DLG5: variants seen among roughly 807,000 people sequenced by gnomAD.
DLG5 encodes the protein discs large MAGUK scaffold protein 5, also known as disks large homolog 5.
Under a neutral mutation model 189.8 loss-of-function variants are expected in DLG5, and 48 were observed. The observed-to-expected ratio is 0.25, with a 90% CI of 0.20 to 0.32. DLG5 has a LOEUF of 0.32. DLG5 is among the 10% of genes least tolerant of loss of function. DLG5 has a pLI of 1.00. For synonymous variants in DLG5, 1,016 were observed against 1,054.1 expected, an observed-to-expected ratio of 0.96 and a Z score of 0.70; for missense variants, 2,160 against 2,544.7, an observed-to-expected ratio of 0.85 and a Z score of 3.25.
intron 16 of DLG5, 62 bp from the exon 17 acceptor site, chr10:77,819,527 A>T: frequency 1.3e-6 from 2 of 1,555,274 alleles, no homozygotes; most frequent in Non-Finnish European, 1.7e-6. Context: ...GGACTTACAC[A>T]AGCCTTTCCC....
At position 77,806,789 on chromosome 10, in the gene DLG5, T is replaced by G. The variant is rs1223670287; in HGVS notation, c.4936A>C (p.Ile1646Leu). ...TTGCTGGGAATCTGCCCGCGCTGGATCTTCTGGGCATTCTCGTCCAGCTGC... is the reference window on the plus strand; with the variant it reads ...TTGCTGGGAATCTGCCCGCGCTGGAGCTTCTGGGCATTCTCGTCCAGCTGC... Reference protein sequence around the residue: ...AWQLDENAQKIQRGQIPSKYV... With the variant: ...AWQLDENAQKLQRGQIPSKYV... The change falls in exon 26 of 32, where the codon ATC (isoleucine) becomes CTC (leucine). Residue 1646 changes from isoleucine (I) to leucine (L), a missense_variant. Ile to Leu is a conservative substitution (Grantham distance 5). This residue lies in a region of DLG5 where 574 missense variants were observed against 644.2 expected (regional missense o/e 0.89). Transcript: ENST00000372391. The G allele has an allele frequency of 1.3e-6, 2 of 1,585,028 alleles. No homozygotes were observed. Among genetic ancestry groups the G allele is most frequent in the Admixed American group, 1.7e-5 (1 of 59,062 alleles).
intron 13 of DLG5, among the ~76,000 whole-genome samples, chr10:77,826,228 G>C (rs1375605070): frequency 6.6e-6 from 1 of 152,228 alleles, no homozygotes; most frequent in Non-Finnish European, 1.5e-5. Flanking sequence ...ACAGATGTAA[G>C]TAAGGGCAGA....
chr10:77,903,409 T>C (rs1420277934), intron 1 of DLG5, among the ~76,000 whole-genome samples: 4 of 149,168 alleles, frequency 2.7e-5, no homozygotes, highest in East Asian at 2.0e-4. Context: ...GCCTGGGTGA[T>C]AGAGTGAGAC....
At chr10:77,797,527 T>C (rs144250869) in intron 27 of DLG5, among the ~76,000 whole-genome samples, 16 of 152,244 alleles carry the variant, frequency 1.1e-4, no homozygotes, top group Non-Finnish European at 2.2e-4. Context: ...CAGTAGACAC[T>C]GTGGCTGGAT....
chr10:77,843,915 A>C (rs1432378762), intron 5 of DLG5, among the ~76,000 whole-genome samples: 1 of 152,090 alleles, frequency 6.6e-6, no homozygotes, highest in East Asian at 1.9e-4. Flanking sequence ...CTCAGTCACA[A>C]CTATTTACTA....
intron 7 of DLG5, among the ~76,000 whole-genome samples, chr10:77,836,262 C>A (rs1485037359): frequency 6.6e-6 from 1 of 152,156 alleles, no homozygotes; most frequent in Non-Finnish European, 1.5e-5. Flanking sequence ...CTTGACACAT[C>A]CCTAGAGAGT....
At chr10:77,848,436 C>T (rs1333144285) in intron 5 of DLG5, among the ~76,000 whole-genome samples, 1 of 152,058 alleles carries the variant, frequency 6.6e-6, no homozygotes, top group Admixed American at 6.5e-5. Flanking sequence ...TGAGAGGTTT[C>T]CCAAATAGAT....
At chr10:77,931,290 G>C (rs1846784304), upstream of DLG5, among the ~76,000 whole-genome samples, 1 of 151,940 alleles carries the variant, frequency 6.6e-6, no homozygotes, top group Non-Finnish European at 1.5e-5. Flanking sequence ...TTCTTACTCT[G>C]TCTCCCAGGC....
intron 3 of DLG5, 86 bp downstream of exon 3, chr10:77,856,644 C>T (rs1349629379): frequency 3.3e-6 from 5 of 1,537,630 alleles, no homozygotes; most frequent in Non-Finnish European, 4.4e-6. Context: ...CCCCAGGAGC[C>T]AGGGGTGTTT....
rs144971045 is a variant in DLG5 at position 77,914,845 on chromosome 10, G to A, written c.304+11372C>T. Among the ~76,000 whole-genome samples, 187 of 152,262 alleles carry A rather than the reference G, an allele frequency of 1.2e-3. 1 individual carries two copies. Among genetic ancestry groups the A allele is most frequent in the African/African-American group, 4.2e-3 (176 of 41,562 alleles). Reference sequence around the variant, plus strand: ...CAAGGCTCTCCCAGAAACCCCAACTGTGGCCCAAAGCCCAGTTCTCTTCAC... The same window carrying A: ...CAAGGCTCTCCCAGAAACCCCAACTATGGCCCAAAGCCCAGTTCTCTTCAC... On this transcript the variant is annotated intron_variant, in intron 1 of 31. Transcript: ENST00000372391.
At chr10:77,879,229 G>C (rs550003126) in intron 1 of DLG5, among the ~76,000 whole-genome samples, 25 of 152,236 alleles carry the variant, frequency 1.6e-4, no homozygotes, top group African/African-American at 5.3e-4. Flanking sequence ...AGGAAGCGTG[G>C]AGTGCCAGAG....
Position 77,853,472 on chromosome 10 carries a change from C to T in DLG5, c.746G>A (p.Arg249Gln), listed in dbSNP as rs1844079006. ...CTCCCGCAGCAGCTGCCCATTCTCC[C>T]GCCTCAGCATGTCCACGTCATCCTT... Reference protein sequence around the residue: ...RLKDDVDMLRRENGQLLRERN... With the variant: ...RLKDDVDMLRQENGQLLRERN... Residue 249 changes from arginine to glutamine, a missense_variant, in exon 5 of 32, where the codon CGG becomes CAG. This residue lies in a region of DLG5 where 664 missense variants were observed against 838.5 expected (regional missense o/e 0.79). Transcript: ENST00000372391. 11 of 1,611,818 alleles carry T rather than the reference C, an allele frequency of 6.8e-6. No homozygotes were observed. Among genetic ancestry groups the T allele is most frequent in the Middle Eastern group, 1.7e-4 (1 of 6,052 alleles).
rs779188194 is a variant in DLG5, at chr10:77,794,830, CA to C, written c.5546+18del. On this transcript the variant is annotated intron_variant, in intron 30 of 31. Coordinates refer to ENST00000372391, the MANE Select transcript of DLG5 (RefSeq NM_004747.4). ...CCTGTGACAAGGCCCCAGCGGAGCCCAGGGGGCCAGTTACCTACTTGATGTG... is the reference window on the plus strand; with the variant it reads ...CCTGTGACAAGGCCCCAGCGGAGCCCGGGGGCCAGTTACCTACTTGATGTG... 1.2e-5 allele frequency: 20 copies of C among 1,603,900 alleles called. No individual in the cohort carries two copies. Among genetic ancestry groups the C allele is most frequent in the Non-Finnish European group, 1.6e-5 (19 of 1,171,136 alleles).
At chr10:77,850,037 CT>C (rs1210461748) in intron 5 of DLG5, among the ~76,000 whole-genome samples, 2 of 151,534 alleles carry the variant, frequency 1.3e-5, no homozygotes, top group Non-Finnish European at 2.9e-5. Context: ...AATTCTGAGT[CT>C]TTTTTTTTCC....
chr10:77,936,297 G>C, the DLG5 span, among the ~76,000 whole-genome samples: 98 of 152,218 alleles, frequency 6.4e-4, no homozygotes, highest in Non-Finnish European at 9.4e-4. Flanking sequence ...AGTTAGCTGG[G>C]CGTGGTGGTG....
chr10:77,907,732 GAA>G (rs1846106917), intron 1 of DLG5, among the ~76,000 whole-genome samples: 1 of 152,156 alleles, frequency 6.6e-6, no homozygotes, highest in Admixed American at 6.5e-5. Context: ...CACAGAGAGA[GAA>G]AGCAATTTGG....
At chr10:77,873,405 A>G (rs879870130) in intron 1 of DLG5, among the ~76,000 whole-genome samples, 4 of 152,234 alleles carry the variant, frequency 2.6e-5, no homozygotes, top group Admixed American at 2.6e-4. Flanking sequence ...GAAGGAAGCC[A>G]CTGGGAGGAA....
At chr10:77,813,022 C>T (rs1256982372) in intron 20 of DLG5, among the ~76,000 whole-genome samples, 1 of 152,194 alleles carries the variant, frequency 6.6e-6, no homozygotes, top group Non-Finnish European at 1.5e-5. Context: ...CTGGTGGCCA[C>T]GGGCAGCCTC....
At chr10:77,876,748 G>GA (rs60963892) in intron 1 of DLG5, among the ~76,000 whole-genome samples, 1 of 123,924 alleles carries the variant, frequency 8.1e-6, no homozygotes, top group Non-Finnish European at 1.7e-5. Flanking sequence ...AGGAAGGAAG[G>GA]AAAAAAAAAA....
Sources: gnomAD v4.1 joint callset for allele counts (sites outside exome capture counted in the v4.1 genomes callset) on GRCh38, gnomAD v4.1.1 for gene constraint, gnomAD v4.1.1 regional missense constraint, MANE v1.5 for transcripts, NCBI Gene and HGNC (gene_info 2026-07-23, HGNC 2026-07-21) for gene names.